FOXA3: variants seen among roughly 807,000 people sequenced by gnomAD.
The protein encoded by FOXA3 is forkhead box A3.
Under a neutral mutation model 16.9 loss-of-function variants are expected in FOXA3, and 11 were observed. The observed-to-expected ratio is 0.65, with a 90% CI of 0.41 to 1.08. The LOEUF is 1.08. Ranked by LOEUF, FOXA3 falls within the 50% of genes least tolerant of loss-of-function variation. The pLI, the probability that FOXA3 is intolerant of heterozygous loss-of-function variation, is 0.00. For missense variants in FOXA3, 423 were observed against 470.1 expected, an observed-to-expected ratio of 0.90 and a Z score of 0.93; for synonymous variants, 217 against 203.3, an observed-to-expected ratio of 1.07 and a Z score of -0.57.
rs201192060 is a variant in FOXA3 at position 45,873,085 on chromosome 19, A to G, written c.*27A>G. ...AGGGGTTGGGAACATGGTGGTGGGTATGGCTGGAGCTCACACCACGAAGCT... is the reference window on the plus strand; with the variant it reads ...AGGGGTTGGGAACATGGTGGTGGGTGTGGCTGGAGCTCACACCACGAAGCT... On this transcript the variant is annotated 3_prime_UTR_variant, in exon 2 of 2. Transcript: ENST00000302177. 3.2e-6 allele frequency: 5 copies of G among 1,565,556 alleles called. No individual in the cohort carries two copies. In the Admixed American group the frequency reaches 7.7e-5, roughly 24 times the overall value.
At chr19:45,868,221 ACT>A (rs1440803400) in intron 1 of FOXA3, among the ~76,000 whole-genome samples, 1 of 151,772 alleles carries the variant, frequency 6.6e-6, no homozygotes, top group Admixed American at 6.6e-5. Flanking sequence ...GGTTGCCTCC[ACT>A]CTCTGATTCC....
At position 45,872,584 on chromosome 19, in the gene FOXA3, A is replaced by G; in HGVS notation, c.579A>G (p.Leu193=). ...DKPGKGSYWA[L]HPSSGNMFEN... Reference sequence around the variant, plus strand: ...CTGGCAAGGGCTCCTACTGGGCCCTACACCCCAGCTCAGGGAACATGTTTG... The same window carrying G: ...CTGGCAAGGGCTCCTACTGGGCCCTGCACCCCAGCTCAGGGAACATGTTTG... The change falls in exon 2 of 2, where the codon CTA becomes CTG. Residue 193 remains leucine, a synonymous_variant. Coordinates refer to ENST00000302177, the MANE Select transcript of FOXA3 (RefSeq NM_004497.3). The surrounding 1 kb of genome is among the most constrained non-coding windows in gnomAD (Gnocchi z 4.5). 1 of 1,614,178 alleles carries G rather than the reference A, an allele frequency of 6.2e-7. No individual in the cohort carries two copies. Among genetic ancestry groups the G allele is most frequent in the African/African-American group, 1.3e-5 (1 of 75,050 alleles).
At chr19:45,868,732 A>T (rs1302032936) in intron 1 of FOXA3, among the ~76,000 whole-genome samples, 1 of 152,146 alleles carries the variant, frequency 6.6e-6, no homozygotes, top group Non-Finnish European at 1.5e-5. Context: ...CAGTGGGGAA[A>T]GGTCCAGGTG....
chr19:45,870,124 G>A (rs1966891752), intron 1 of FOXA3, among the ~76,000 whole-genome samples: 1 of 149,172 alleles, frequency 6.7e-6, no homozygotes, highest in African/African-American at 2.5e-5. Context: ...ATTGAAGAGA[G>A]CTACACATAT....
intron 1 of FOXA3, among the ~76,000 whole-genome samples, chr19:45,867,770 ACT>A (rs1972097129): frequency 9.2e-6 from 1 of 108,724 alleles, no homozygotes; most frequent in Non-Finnish European, 1.9e-5. Flanking sequence ...ACAGAGTGAG[ACT>A]CTATCTCAAA....
In FOXA3 at chr19:45,872,053, C is replaced by G; in HGVS notation, c.70-22C>G. ...CCAGCAGAGTGGAGCCCCACTGACCCCTCCTTTCATCTTTCCCCTAGGTCT... is the reference window on the plus strand; with the variant it reads ...CCAGCAGAGTGGAGCCCCACTGACCGCTCCTTTCATCTTTCCCCTAGGTCT... On this transcript the variant is annotated intron_variant, in intron 1 of 1. Coordinates refer to ENST00000302177, the MANE Select transcript of FOXA3 (RefSeq NM_004497.3). The surrounding 1 kb of genome is among the most constrained non-coding windows in gnomAD (Gnocchi z 4.5). The G allele has an allele frequency of 6.2e-7, 1 of 1,610,086 alleles. No homozygotes were observed. The highest frequency in any genetic ancestry group is 8.5e-7 in the Non-Finnish European group (1 of 1,177,830).
intron 1 of FOXA3, among the ~76,000 whole-genome samples, chr19:45,866,372 G>A (rs1472863302): frequency 1.3e-5 from 2 of 152,038 alleles, no homozygotes; most frequent in South Asian, 2.1e-4. Flanking sequence ...ATCGTATCAC[G>A]GCACTCCAGC....
intron 1 of FOXA3, among the ~76,000 whole-genome samples, chr19:45,869,487 G>T (rs1267397998): frequency 1.3e-5 from 2 of 152,190 alleles, no homozygotes; most frequent in East Asian, 3.9e-4. Flanking sequence ...ATGAATGAAA[G>T]AATATACAGA....
chr19:45,868,783 G>C (rs112178621), intron 1 of FOXA3, among the ~76,000 whole-genome samples: 1 of 151,890 alleles, frequency 6.6e-6, no homozygotes, highest in Non-Finnish European at 1.5e-5. Context: ...GGTTGAGAAG[G>C]GATAAGTAGA....
Position 45,873,219 on chromosome 19 carries a change from C to T in FOXA3, c.*161C>T. On this transcript the variant is annotated 3_prime_UTR_variant, in exon 2 of 2. Transcript: ENST00000302177. ...CTGTCTCAGTGGGCATGGTGTTGAT[C>T]CACGGGGTACTGTGATAACCACCAT... is the stretch of plus-strand genomic sequence containing the variant. 8.7e-7 allele frequency: 1 copy of T among 1,147,650 alleles called. No homozygotes were observed. The highest frequency in any genetic ancestry group is 1.2e-6 in the Non-Finnish European group (1 of 814,628). 71.1% of individuals were successfully genotyped at this position (1,147,650 alleles called of 1,614,324 possible). A position where few individuals can be genotyped will look rare whatever the true frequency, so the allele number is the denominator to read the frequency against.
chr19:45,870,417 C>T (rs1403682993), intron 1 of FOXA3, among the ~76,000 whole-genome samples: 1 of 151,970 alleles, frequency 6.6e-6, no homozygotes, highest in East Asian at 1.9e-4. Context: ...TTGTGATCCA[C>T]CTGCCTCGGC....
At position 45,872,296 on chromosome 19, in the gene FOXA3, T is replaced by C; in HGVS notation, c.291T>C (p.Pro97=). 1 of 1,613,882 alleles carries C rather than the reference T, an allele frequency of 6.2e-7. No individual in the cohort carries two copies. Among genetic ancestry groups the C allele is most frequent in the Non-Finnish European group, 8.5e-7 (1 of 1,179,798 alleles). Residue 97 remains proline (P), a synonymous_variant, in exon 2 of 2, where the codon CCT becomes CCC. Coordinates refer to ENST00000302177, the MANE Select transcript of FOXA3 (RefSeq NM_004497.3). The surrounding 1 kb of genome is among the most constrained non-coding windows in gnomAD (Gnocchi z 4.5). ...SSSSGYGAPG[P]GLVHGKEMPK... ...GCTCCGGGTACGGGGCCCCGGGTCC[T>C]GGGCTGGTGCACGGGAAGGAGATGC...
In FOXA3 at chr19:45,873,397, C is replaced by T; in HGVS notation, c.*339C>T. 1 of 361,478 alleles carries T rather than the reference C, an allele frequency of 2.8e-6. No individual in the cohort carries two copies. Among genetic ancestry groups the T allele is most frequent in the Non-Finnish European group, 5.2e-6 (1 of 192,396 alleles). The allele number at this position is 361,478 out of a possible 1,614,324, so 22.4% of individuals were successfully genotyped here. On this transcript the variant is annotated 3_prime_UTR_variant, in exon 2 of 2. Transcript: ENST00000302177. Reference sequence around the variant, plus strand: ...TTCAGTGACATCTTCTTTGGCCCCCCCCATTAGGTGCTGTGCCCACTTCTT... The same window carrying T: ...TTCAGTGACATCTTCTTTGGCCCCCTCCATTAGGTGCTGTGCCCACTTCTT...
In FOXA3 at chr19:45,872,306, C is replaced by T; in HGVS notation, c.301C>T (p.His101Tyr). 6.2e-7 allele frequency: 1 copy of T among 1,614,008 alleles called. No homozygotes were observed. Among genetic ancestry groups the T allele is most frequent in the Middle Eastern group, 1.6e-4 (1 of 6,062 alleles). Residue 101 changes from histidine (H) to tyrosine (Y), a missense_variant, in exon 2 of 2, where the codon CAC becomes TAC. His to Tyr is a moderately conservative substitution (Grantham distance 83). This residue lies in a region of FOXA3 where 170 missense variants were observed against 153.9 expected (regional missense o/e 1.10). Coordinates refer to ENST00000302177, the MANE Select transcript of FOXA3 (RefSeq NM_004497.3). The surrounding 1 kb of genome is among the most constrained non-coding windows in gnomAD (Gnocchi z 4.5). ...CGGGGCCCCGGGTCCTGGGCTGGTG[C>T]ACGGGAAGGAGATGCCGAAGGGGTA... is the stretch of plus-strand genomic sequence containing the variant. ...GYGAPGPGLV[H>Y]GKEMPKGYRR...
At chr19:45,870,940 A>G (rs1347909158) in intron 1 of FOXA3, among the ~76,000 whole-genome samples, 1 of 152,034 alleles carries the variant, frequency 6.6e-6, no homozygotes, top group Non-Finnish European at 1.5e-5. Context: ...AATACAAAAA[A>G]ATTAGCTGGG....
At chr19:45,868,653 A>G (rs1333524830) in intron 1 of FOXA3, among the ~76,000 whole-genome samples, 1 of 150,728 alleles carries the variant, frequency 6.6e-6, no homozygotes, top group East Asian at 1.9e-4. Context: ...TGGTGGCTCT[A>G]GCCAGTGCTG....
chr19:45,873,152 T>C lies in FOXA3; in HGVS notation c.*94T>C. The C allele has an allele frequency of 6.5e-7, 1 of 1,536,278 alleles. No individual in the cohort carries two copies. Among genetic ancestry groups the C allele is most frequent in the Non-Finnish European group, 8.8e-7 (1 of 1,137,428 alleles). On this transcript the variant is annotated 3_prime_UTR_variant, in exon 2 of 2. Coordinates refer to ENST00000302177, the MANE Select transcript of FOXA3 (RefSeq NM_004497.3). ...TCTGGTGACACTTCACTTGTCCCAT[T>C]GGTTAACATCTGGGTGGGTCTATTA...
Position 45,873,067 on chromosome 19 carries a change from G to A in FOXA3, c.*9G>A. Reference sequence around the variant, plus strand: ...TGCTTAATGCATCCTAGCAGGGGTTGGGAACATGGTGGTGGGTATGGCTGG... The same window carrying A: ...TGCTTAATGCATCCTAGCAGGGGTTAGGAACATGGTGGTGGGTATGGCTGG... On this transcript the variant is annotated 3_prime_UTR_variant, in exon 2 of 2. Transcript: ENST00000302177. 6.3e-7 allele frequency: 1 copy of A among 1,578,692 alleles called. No homozygotes were observed. Among genetic ancestry groups the A allele is most frequent in the Non-Finnish European group, 8.6e-7 (1 of 1,161,416 alleles).
intron 1 of FOXA3, among the ~76,000 whole-genome samples, chr19:45,869,519 A>G (rs1972114899): frequency 6.6e-6 from 1 of 152,170 alleles, no homozygotes; most frequent in Non-Finnish European, 1.5e-5. Context: ...GAGGCACTGC[A>G]AGATCTACCG....
Sources: gnomAD v4.1 joint callset for allele counts (sites outside exome capture counted in the v4.1 genomes callset) on GRCh38, gnomAD v4.1.1 for gene constraint, gnomAD v4.1.1 regional missense constraint, Gnocchi (gnomAD v3.1) non-coding constraint, MANE v1.5 for transcripts, NCBI Gene and HGNC (gene_info 2026-07-23, HGNC 2026-07-21) for gene names.